Variants in NME7 observed in about 807,000 individuals in gnomAD.
NME7 encodes NME/NM23 family member 7.
A neutral mutation model predicts 49.1 loss-of-function variants in NME7; 41 were observed. The observed-to-expected ratio is 0.83, with a 90% CI of 0.65 to 1.08. The LOEUF is 1.08. Among genes scored for constraint, NME7 ranks in the 50% least tolerant of loss-of-function variants. NME7 has a pLI of 0.00. For synonymous variants in NME7, 139 were observed against 150.6 expected, an observed-to-expected ratio of 0.92 and a Z score of 0.56; for missense variants, 423 against 463.4, an observed-to-expected ratio of 0.91 and a Z score of 0.80.
intron 10 of NME7, among the ~76,000 whole-genome samples, chr1:169,213,830 A>AT (rs140673205): frequency 1.5e-3 from 220 of 149,166 alleles, no homozygotes; most frequent in African/African-American, 5.1e-3. Flanking sequence ...TAAATAAATA[A>AT]ATATATATAT....
chr1:169,159,643 A>G (rs996466500), intron 11 of NME7, among the ~76,000 whole-genome samples: 1 of 152,204 alleles, frequency 6.6e-6, no homozygotes, highest in Non-Finnish European at 1.5e-5. Context: ...ATCTCTTCAT[A>G]GGCCTCTTAG....
Position 169,261,088 on chromosome 1 carries a change from A to G in NME7, c.755-23401T>C, listed in dbSNP as rs1428672685. Among the ~76,000 whole-genome samples, 2 of 134,298 alleles carry G rather than the reference A, an allele frequency of 1.5e-5. 1 individual carries two copies. The highest frequency in any genetic ancestry group is 3.5e-5 in the Non-Finnish European group (2 of 57,100). 88.1% of individuals were successfully genotyped at this position (134,298 alleles called of 152,430 possible). Reference sequence around the variant, plus strand: ...AAATAGAAAAAAAAAAGTGAAAAACAGGAATTATCTAAATTTCTTTTATAA... The same window carrying G: ...AAATAGAAAAAAAAAAGTGAAAAACGGGAATTATCTAAATTTCTTTTATAA... On this transcript the variant is annotated intron_variant, in intron 7 of 11. Transcript: ENST00000367811.
intron 1 of NME7, among the ~76,000 whole-genome samples, chr1:169,343,360 A>G (rs1220436398): frequency 1.3e-5 from 2 of 152,112 alleles, no homozygotes; most frequent in Non-Finnish European, 2.9e-5. Flanking sequence ...ATCTGTTGAA[A>G]AGACTACTCC....
chr1:169,360,263 G>A (rs1299594433), intron 1 of NME7, among the ~76,000 whole-genome samples: 1 of 152,022 alleles, frequency 6.6e-6, no homozygotes, highest in Non-Finnish European at 1.5e-5. Flanking sequence ...GCAACTATAA[G>A]GGATGAAATT....
intron 1 of NME7, among the ~76,000 whole-genome samples, chr1:169,363,656 T>G (rs1653743911): frequency 6.6e-6 from 1 of 152,220 alleles, no homozygotes; most frequent in Non-Finnish European, 1.5e-5. Flanking sequence ...ATTATTTTAT[T>G]ACATTGAACC....
intron 6 of NME7, among the ~76,000 whole-genome samples, chr1:169,290,762 G>C (rs577554359): frequency 1.9e-4 from 29 of 152,128 alleles, no homozygotes; most frequent in African/African-American, 6.3e-4. Flanking sequence ...TTTGCAATCT[G>C]TTCATCTGAC....
chr1:169,334,521 T>C (rs1360789723), intron 1 of NME7, among the ~76,000 whole-genome samples: 1 of 151,948 alleles, frequency 6.6e-6, no homozygotes, highest in African/African-American at 2.4e-5. Context: ...TGCAGAAAAA[T>C]GAAACTGGAA....
chr1:169,249,942 T>C (rs995935260), intron 7 of NME7, among the ~76,000 whole-genome samples: 1 of 152,018 alleles, frequency 6.6e-6, no homozygotes, highest in Non-Finnish European at 1.5e-5. Context: ...TTTCTTTTTT[T>C]CTTATGTCTT....
At chr1:169,253,004 C>A (rs1201731568) in intron 7 of NME7, among the ~76,000 whole-genome samples, 11 of 150,168 alleles carry the variant, frequency 7.3e-5, no homozygotes, top group African/African-American at 2.0e-4. Context: ...GTGATGCTTC[C>A]AGCTTTGTTC....
intron 8 of NME7, 60 bp from the exon 9 acceptor site, chr1:169,235,259 A>AGGATGC (rs1647811947): frequency 1.2e-6 from 1 of 840,978 alleles, no homozygotes; most frequent in Non-Finnish European, 1.8e-6. Flanking sequence ...GGAAATAAAT[A>AGGATGC]AGCCACACTT....
chr1:169,170,630 C>T (rs571518357), intron 10 of NME7, among the ~76,000 whole-genome samples: 1 of 152,272 alleles, frequency 6.6e-6, no homozygotes, highest in South Asian at 2.1e-4. Context: ...TAAAAACCTA[C>T]TCAGCTGCGC....
At chr1:169,196,028 A>T (rs2040446) in intron 10 of NME7, among the ~76,000 whole-genome samples, 36,729 of 152,076 alleles carry the variant, frequency 0.24, 5,416 homozygotes, top group Non-Finnish European at 0.34. Context: ...AGAATGAGAT[A>T]TTCAAGCACA....
At position 169,298,590 on chromosome 1, in the gene NME7, G is replaced by A. The variant is rs148704057; in HGVS notation, c.614C>T (p.Ala205Val). ...LFGTDGIRNA[A>V]HGPDSFASAA... is the part of the protein sequence containing the mutation. ...AGAAGCAAAAGAATCAGGGCCATGC[G>A]CTGCATTTCTTATGCCATCTGTTCC... Residue 205 changes from alanine (A) to valine (V), a missense_variant, in exon 6 of 12, where the codon GCG (alanine) becomes GTG (valine). By Grantham distance (64) the Ala-to-Val change is moderately conservative (BLOSUM62 0). Transcript: ENST00000367811. 8.2e-5 allele frequency: 133 copies of A among 1,613,862 alleles called. No individual in the cohort carries two copies. The African/African-American group carries it at 1.0e-3, about 12-fold the overall frequency.
At chr1:169,288,954 A>G (rs1324469686) in intron 6 of NME7, among the ~76,000 whole-genome samples, 1 of 151,784 alleles carries the variant, frequency 6.6e-6, no homozygotes, top group Non-Finnish European at 1.5e-5. Flanking sequence ...TAGAAAGGGC[A>G]TGCTCTTTCG....
chr1:169,339,584 G>C (rs1445371034), intron 1 of NME7, among the ~76,000 whole-genome samples: 3 of 152,108 alleles, frequency 2.0e-5, no homozygotes, highest in Non-Finnish European at 4.4e-5. Context: ...TGTTGTCAAG[G>C]TCACAAACAC....
chr1:169,296,839 C>T lies in NME7; in HGVS notation c.648+1717G>A, dbSNP rs145716764. On this transcript the variant is annotated intron_variant, in intron 6 of 11. Transcript: ENST00000367811. ...AAATCTTGTTTATTTGACCTTCAAC[C>T]GTTAATATATATTTTAAAATATATT... is the stretch of plus-strand genomic sequence containing the variant. Among the ~76,000 whole-genome samples the T allele has an allele frequency of 3.4e-3, 521 of 152,126 alleles. 3 individuals carry two copies. Among genetic ancestry groups the T allele is most frequent in the African/African-American group, 0.012 (497 of 41,504 alleles).
Position 169,211,424 on chromosome 1 carries a change from C to G in NME7, c.990+19294G>C, listed in dbSNP as rs1211431447. 2.0e-5 allele frequency among the ~76,000 whole-genome samples: 3 copies of G among 152,084 alleles called. No homozygotes were observed. The East Asian group carries it at 5.8e-4, about 29-fold the overall frequency. On this transcript the variant is annotated intron_variant, in intron 10 of 11. Transcript: ENST00000367811. ...ACTTTCTATCCATAATACAAGTAATCATGATATAGGAAATATAAGGTAAAA... is the reference window on the plus strand; with the variant it reads ...ACTTTCTATCCATAATACAAGTAATGATGATATAGGAAATATAAGGTAAAA...
rs919854586 is a variant in NME7, at chr1:169,263,854, G to C, written c.754+23449C>G. On this transcript the variant is annotated intron_variant, in intron 7 of 11. Coordinates refer to ENST00000367811, the MANE Select transcript of NME7 (RefSeq NM_013330.5). ...AATGTTAAAAGCAGCTAGAGAGAAAGGACAGGTCACCTAAAAAGAGAAGCC... is the reference window on the plus strand; with the variant it reads ...AATGTTAAAAGCAGCTAGAGAGAAACGACAGGTCACCTAAAAAGAGAAGCC... Among the ~76,000 whole-genome samples the C allele has an allele frequency of 2.3e-5, 3 of 131,246 alleles. 1 individual carries two copies. The highest frequency in any genetic ancestry group is 5.4e-5 in the Non-Finnish European group (3 of 55,882). 86.1% of individuals were successfully genotyped at this position (131,246 alleles called of 152,430 possible).
chr1:169,153,783 G>A (rs976202650), intron 11 of NME7, among the ~76,000 whole-genome samples: 1 of 151,440 alleles, frequency 6.6e-6, no homozygotes, highest in African/African-American at 2.4e-5. Flanking sequence ...CTGCAATCTC[G>A]AACCTCCCAG....
Sources: gnomAD v4.1 joint callset for allele counts (sites outside exome capture counted in the v4.1 genomes callset) on GRCh38, gnomAD v4.1.1 for gene constraint, MANE v1.5 for transcripts, NCBI Gene and HGNC (gene_info 2026-07-23, HGNC 2026-07-21) for gene names.